Variants in SLC5A11 observed in about 807,000 individuals in gnomAD.
The protein encoded by SLC5A11 is solute carrier family 5 member 11.
In SLC5A11, 48 loss-of-function variants were observed where a neutral mutation model predicts 69.8. That is an observed-to-expected ratio of 0.69 (90% CI 0.55 to 0.87). The LOEUF is 0.87. Ranked by LOEUF, SLC5A11 falls within the 40% of genes least tolerant of loss-of-function variation. SLC5A11 has a pLI of 0.00. For missense variants in SLC5A11, 784 were observed against 866.1 expected (o/e 0.91, Z 1.19); for synonymous variants, 319 against 342.4 (o/e 0.93, Z 0.75).
At chr16:24,908,365 G>T (rs934853405) in intron 13 of SLC5A11, among the ~76,000 whole-genome samples, 3 of 152,182 alleles carry the variant, frequency 2.0e-5, no homozygotes, top group East Asian at 1.9e-4. Context: ...TTGGGAGGCC[G>T]AGGTGGGTGG....
At chr16:24,870,583 C>T (rs2047228415) in intron 4 of SLC5A11, among the ~76,000 whole-genome samples, 1 of 151,656 alleles carries the variant, frequency 6.6e-6, no homozygotes. Flanking sequence ...AGTTTGAGAC[C>T]AGCCTGGCCA....
chr16:24,896,750 C>G (rs2152388466), intron 9 of SLC5A11, among the ~76,000 whole-genome samples: 1 of 152,102 alleles, frequency 6.6e-6, no homozygotes, highest in Admixed American at 6.6e-5. Flanking sequence ...GTATTTGAAC[C>G]CAGACTGCCT....
chr16:24,884,125 G>T (rs753401374), exon 8 of SLC5A11: 2 of 1,614,044 alleles, frequency 1.2e-6, no homozygotes, highest in Non-Finnish European at 1.7e-6. Flanking sequence ...CACCTTGATG[G>T]GCTACAGTAA....
intron 8 of SLC5A11, among the ~76,000 whole-genome samples, chr16:24,885,801 T>C (rs1287096379): frequency 6.7e-6 from 1 of 150,184 alleles, no homozygotes; most frequent in East Asian, 2.0e-4. Flanking sequence ...ATCAAGAGAG[T>C]GCCATGCTTG....
intron 12 of SLC5A11, among the ~76,000 whole-genome samples, chr16:24,907,575 G>C (rs2050160735): frequency 6.6e-6 from 1 of 152,042 alleles, no homozygotes; most frequent in Non-Finnish European, 1.5e-5. Context: ...AGCTGTGGTG[G>C]CGTGTGCCTG....
intron 1 of SLC5A11, among the ~76,000 whole-genome samples, chr16:24,849,593 A>ATATATATATAT (rs61292571): frequency 1.1e-3 from 38 of 35,828 alleles, no homozygotes; most frequent in Non-Finnish European, 1.8e-3. Context: ...AAAAAAAAAA[A>ATATATATATAT]ATATATATAT....
intron 7 of SLC5A11, among the ~76,000 whole-genome samples, chr16:24,879,083 G>A (rs1444491317): frequency 1.3e-5 from 2 of 151,952 alleles, no homozygotes; most frequent in Non-Finnish European, 2.9e-5. Flanking sequence ...AACCTGAGAA[G>A]TGCTATAAGG....
chr16:24,889,964 T>C (rs1302705545), intron 8 of SLC5A11, among the ~76,000 whole-genome samples: 1 of 152,134 alleles, frequency 6.6e-6, no homozygotes, highest in Non-Finnish European at 1.5e-5. Flanking sequence ...TATTTAGAAG[T>C]ATTCTTCTGA....
intron 10 of SLC5A11, 131 bp from the exon 12 acceptor site, chr16:24,906,526 A>C: frequency 2.1e-6 from 1 of 472,624 alleles, no homozygotes; most frequent in East Asian, 3.3e-5. Flanking sequence ...CAGCTTATAA[A>C]GTCTAGACTC....
intron 2 of SLC5A11, among the ~76,000 whole-genome samples, chr16:24,861,817 AG>A (rs1213692122): frequency 2.0e-5 from 3 of 149,568 alleles, no homozygotes; most frequent in South Asian, 2.2e-4. Context: ...GAAAAAAGAA[AG>A]AAAAAATTAA....
chr16:24,858,396 C>G (rs1420763342), intron 1 of SLC5A11, among the ~76,000 whole-genome samples: 2 of 152,078 alleles, frequency 1.3e-5, no homozygotes, highest in African/African-American at 4.8e-5. Context: ...AAATTGACTG[C>G]AGATTTGATG....
In SLC5A11 at chr16:24,862,591, T is replaced by G. The variant is rs767724928; in HGVS notation, c.136-10T>G. ...TCTTCCCTCACCCACCTCTCTTCTTTTTTTTTCAGTCCACAGTGAAGACCA... is the reference window on the plus strand; with the variant it reads ...TCTTCCCTCACCCACCTCTCTTCTTGTTTTTTCAGTCCACAGTGAAGACCA... On this transcript the variant is annotated splice_polypyrimidine_tract_variant and intron_variant, in intron 2 of 15. Coordinates refer to ENST00000347898, the Ensembl canonical transcript of SLC5A11. 7.5e-6 allele frequency: 12 copies of G among 1,608,736 alleles called. No individual in the cohort carries two copies. The highest frequency in any genetic ancestry group is 8.5e-6 in the Non-Finnish European group (10 of 1,176,590).
At chr16:24,865,932 C>G (rs1181157043) in intron 3 of SLC5A11, among the ~76,000 whole-genome samples, 1 of 151,216 alleles carries the variant, frequency 6.6e-6, no homozygotes. Flanking sequence ...ATTTAAAAGA[C>G]AGTTGCATAA....
chr16:24,892,444 T>TTA (rs71383795), intron 9 of SLC5A11, among the ~76,000 whole-genome samples: 6 of 140,966 alleles, frequency 4.3e-5, no homozygotes, highest in Non-Finnish European at 9.3e-5. Context: ...CCTTTTGTGT[T>TTA]AAAAAAAAAA....
At chr16:24,870,270 G>A (rs1441898188) in intron 4 of SLC5A11, among the ~76,000 whole-genome samples, 1 of 151,550 alleles carries the variant, frequency 6.6e-6, no homozygotes, top group African/African-American at 2.4e-5. Context: ...GGCGGGCGCC[G>A]TAATCCCAGC....
intron 1 of SLC5A11, among the ~76,000 whole-genome samples, chr16:24,854,023 T>C (rs2059422658): frequency 6.6e-6 from 1 of 152,042 alleles, no homozygotes; most frequent in South Asian, 2.1e-4. Flanking sequence ...CAGGAAGGGC[T>C]TGGAATCGGT....
intron 7 of SLC5A11, among the ~76,000 whole-genome samples, chr16:24,878,639 A>G (rs2047842552): frequency 1.3e-5 from 2 of 152,250 alleles, no homozygotes; most frequent in South Asian, 4.1e-4. Context: ...ACTGTGTGCC[A>G]GACATCATGC....
chr16:24,886,419 G>A (rs1000811330), intron 8 of SLC5A11, among the ~76,000 whole-genome samples: 21 of 151,986 alleles, frequency 1.4e-4, no homozygotes, highest in African/African-American at 4.8e-4. Flanking sequence ...ATAGAAGATA[G>A]AGAGCAGAGA....
chr16:24,891,121 T>A (rs370297216), intron 9 of SLC5A11, 47 bp downstream of exon 10: 2 of 1,580,060 alleles, frequency 1.3e-6, no homozygotes, highest in Non-Finnish European at 1.7e-6. Context: ...TTTGCTTCTT[T>A]CCTTAGGGTG....
Sources: gnomAD v4.1 joint callset for allele counts (sites outside exome capture counted in the v4.1 genomes callset) on GRCh38, gnomAD v4.1.1 for gene constraint, MANE v1.5 for transcripts, NCBI Gene and HGNC (gene_info 2026-07-23, HGNC 2026-07-21) for gene names.